The following CHRM3 variants were observed in gnomAD, a reference collection of about 807,000 sequenced individuals.
CHRM3 encodes the protein cholinergic receptor muscarinic 3.
Under a neutral mutation model 41.8 loss-of-function variants are expected in CHRM3, and 11 were observed. The observed-to-expected ratio is 0.26, with a 90% CI of 0.17 to 0.44. CHRM3 has a LOEUF of 0.44. Ranked by LOEUF, CHRM3 falls within the 20% of genes least tolerant of loss-of-function variation. The pLI is 1.00. For synonymous variants in CHRM3, 297 were observed against 301.4 expected, an observed-to-expected ratio of 0.99 and a Z score of 0.15; for missense variants, 571 against 745.4, an observed-to-expected ratio of 0.77 and a Z score of 2.72.
rs537650961 is a variant in CHRM3, at chr1:239,606,565, C to T, written c.-312-25659C>T. On this transcript the variant is annotated intron_variant, in intron 3 of 6. Coordinates refer to ENST00000676153, the MANE Select transcript of CHRM3 (RefSeq NM_001375978.1). The stretch of plus-strand genomic sequence containing the variant: ...CTGGGATTATAGGCGTGAGCCATCG[C>T]GCCTGACCGTAGATTTCTAGTTTTA... 1.7e-4 allele frequency among the ~76,000 whole-genome samples: 26 copies of T among 152,270 alleles called. No homozygotes were observed. The East Asian group carries it at 2.7e-3, about 16-fold the overall frequency.
At chr1:239,475,542 G>A (rs1666411098) in intron 1 of CHRM3, among the ~76,000 whole-genome samples, 1 of 152,104 alleles carries the variant, frequency 6.6e-6, no homozygotes, top group Non-Finnish European at 1.5e-5. Context: ...TATATGACAA[G>A]TAAATCTAAT....
At chr1:239,673,053 C>A (rs1674533824) in intron 4 of CHRM3, among the ~76,000 whole-genome samples, 1 of 152,108 alleles carries the variant, frequency 6.6e-6, no homozygotes, top group Non-Finnish European at 1.5e-5. Flanking sequence ...AGCAGCACCC[C>A]CAAATTAGCT....
At chr1:239,855,783 G>T (rs538429400) in intron 6 of CHRM3, among the ~76,000 whole-genome samples, 1 of 152,214 alleles carries the variant, frequency 6.6e-6, no homozygotes, top group Admixed American at 6.5e-5. Context: ...CCACCTTTTA[G>T]AGTCAATAAT....
chr1:239,464,219 G>A (rs1041501828), intron 1 of CHRM3, among the ~76,000 whole-genome samples: 10 of 150,588 alleles, frequency 6.6e-5, no homozygotes, highest in Non-Finnish European at 4.4e-5. Context: ...AGCAGCAGTT[G>A]CAGTGAACCA....
intron 6 of CHRM3, among the ~76,000 whole-genome samples, chr1:239,834,753 G>A (rs1460769551): frequency 6.6e-6 from 1 of 151,966 alleles, no homozygotes; most frequent in Admixed American, 6.6e-5. Context: ...CTGTGTATAC[G>A]GCTGCCTCCA....
chr1:239,621,464 CT>C (rs1668353909), intron 3 of CHRM3, among the ~76,000 whole-genome samples: 1 of 152,140 alleles, frequency 6.6e-6, no homozygotes. Flanking sequence ...AGTGATGCCT[CT>C]TACACCAAAC....
chr1:239,655,445 T>C (rs905834395), intron 4 of CHRM3, among the ~76,000 whole-genome samples: 1 of 152,252 alleles, frequency 6.6e-6, no homozygotes, highest in Non-Finnish European at 1.5e-5. Flanking sequence ...GATTTTTGCA[T>C]CTGTCGAATG....
chr1:239,581,707 AG>A (rs1309696545), intron 3 of CHRM3, among the ~76,000 whole-genome samples: 1 of 152,318 alleles, frequency 6.6e-6, no homozygotes, highest in Non-Finnish European at 1.5e-5. Context: ...TCCTAAAAGT[AG>A]GTAGTATCCC....
chr1:239,608,691 G>A (rs1037825464), intron 3 of CHRM3, among the ~76,000 whole-genome samples: 13 of 152,148 alleles, frequency 8.5e-5, no homozygotes, highest in Non-Finnish European at 1.5e-4. Context: ...GAACACGAAC[G>A]AAGGTCAACA....
chr1:239,460,503 A>C (rs1047632733), intron 1 of CHRM3, among the ~76,000 whole-genome samples: 1 of 152,082 alleles, frequency 6.6e-6, no homozygotes, highest in Admixed American at 6.6e-5. Context: ...TTTCTCCTTT[A>C]TTATTGCTTT....
At chr1:239,792,028 G>A (rs948308002) in intron 5 of CHRM3, among the ~76,000 whole-genome samples, 1 of 152,234 alleles carries the variant, frequency 6.6e-6, no homozygotes, top group African/African-American at 2.4e-5. Context: ...CATTTGGACA[G>A]GTCAAGCTGC....
In CHRM3 at chr1:239,674,635, A is replaced by G. The variant is rs572771875; in HGVS notation, c.-249-3551A>G. ...TGAGGCAGGAGAATGGTGTGAACCT[A>G]GGAGGCAGAGCTTGCAGTGAGCCAA... On this transcript the variant is annotated intron_variant, in intron 4 of 6. Coordinates refer to ENST00000676153, the MANE Select transcript of CHRM3 (RefSeq NM_001375978.1). Among the ~76,000 whole-genome samples the G allele has an allele frequency of 2.3e-3, 341 of 148,192 alleles. 4 individuals carry two copies. The highest frequency in any genetic ancestry group is 2.4e-3 in the Non-Finnish European group (164 of 67,252).
intron 5 of CHRM3, among the ~76,000 whole-genome samples, chr1:239,809,871 T>C (rs1296855302): frequency 6.6e-6 from 1 of 152,072 alleles, no homozygotes; most frequent in African/African-American, 2.4e-5. Flanking sequence ...TTGGGCCTTA[T>C]GAAAAGATAA....
chr1:239,905,304 G>C (rs1364039629), intron 6 of CHRM3, among the ~76,000 whole-genome samples: 1 of 152,134 alleles, frequency 6.6e-6, no homozygotes, highest in Non-Finnish European at 1.5e-5. Flanking sequence ...CAGATTGTCT[G>C]GATGGAACTC....
intron 4 of CHRM3, among the ~76,000 whole-genome samples, chr1:239,657,067 C>G (rs1672779711): frequency 6.6e-6 from 1 of 152,164 alleles, no homozygotes; most frequent in South Asian, 2.1e-4. Context: ...GTACAAGGAA[C>G]TAGTCTTAGA....
intron 3 of CHRM3, among the ~76,000 whole-genome samples, chr1:239,571,324 G>A (rs186572032): frequency 1.3e-3 from 205 of 152,088 alleles, no homozygotes; most frequent in Non-Finnish European, 2.5e-3. Context: ...TTTTAGCAAG[G>A]AAACAGTGCA....
At chr1:239,479,617 T>G (rs76739511) in intron 1 of CHRM3, among the ~76,000 whole-genome samples, 3,962 of 152,296 alleles carry the variant, frequency 0.026, 188 homozygotes, top group African/African-American at 0.09. Flanking sequence ...TAGCCCAGTA[T>G]AAACCTAGGC....
intron 5 of CHRM3, among the ~76,000 whole-genome samples, chr1:239,688,699 A>G (rs1445777746): frequency 7.4e-6 from 1 of 134,482 alleles, no homozygotes; most frequent in Admixed American, 8.3e-5. Context: ...AATATATAAT[A>G]TTATATATAA....
chr1:239,806,736 A>C (rs1572355433), intron 5 of CHRM3, among the ~76,000 whole-genome samples: 1 of 152,226 alleles, frequency 6.6e-6, no homozygotes, highest in Admixed American at 6.5e-5. Context: ...TGCTTTCTAA[A>C]AAAGAGGTAC....
Sources: gnomAD v4.1 joint callset for allele counts (sites outside exome capture counted in the v4.1 genomes callset) on GRCh38, gnomAD v4.1.1 for gene constraint, MANE v1.5 for transcripts, NCBI Gene and HGNC (gene_info 2026-07-23, HGNC 2026-07-21) for gene names.